GRIP1: variants seen among roughly 807,000 people sequenced by gnomAD.
GRIP1 encodes glutamate receptor interacting protein 1.
Under a neutral mutation model 129.9 loss-of-function variants are expected in GRIP1, and 45 were observed. The ratio of observed to expected loss-of-function variants is 0.35; its 90% CI spans 0.27 to 0.44. The LOEUF is 0.44. Among genes scored for constraint, GRIP1 ranks in the 20% least tolerant of loss-of-function variants. The pLI is 1.00. For missense variants in GRIP1, 1,196 were observed against 1,396.8 expected (o/e 0.86, Z 2.29); for synonymous variants, 530 against 520.8 (o/e 1.02, Z -0.24).
intron 1 of GRIP1, among the ~76,000 whole-genome samples, chr12:66,868,807 A>G (rs562769577): frequency 1.4e-4 from 21 of 152,276 alleles, no homozygotes; most frequent in African/African-American, 5.0e-4. Flanking sequence ...ACATAAATAA[A>G]TCCCCAGGAG....
intron 1 of GRIP1, among the ~76,000 whole-genome samples, chr12:66,628,470 C>T (rs2030360890): frequency 6.6e-6 from 1 of 152,164 alleles, no homozygotes; most frequent in South Asian, 2.1e-4. Flanking sequence ...TTCTCATTTT[C>T]CCTCCTCCTC....
intron 1 of GRIP1, among the ~76,000 whole-genome samples, chr12:67,033,634 G>A (rs1042383395): frequency 2.6e-5 from 4 of 152,208 alleles, no homozygotes; most frequent in Admixed American, 2.0e-4. Flanking sequence ...GAGATTCAGA[G>A]CTCATCAATG....
intron 1 of GRIP1, among the ~76,000 whole-genome samples, chr12:66,957,335 C>G (rs1480733863): frequency 6.6e-6 from 1 of 151,818 alleles, no homozygotes; most frequent in African/African-American, 2.4e-5. Flanking sequence ...AGACTTGTCA[C>G]AATTATAATT....
intron 1 of GRIP1, among the ~76,000 whole-genome samples, chr12:66,999,467 C>T (rs2042519038): frequency 6.6e-6 from 1 of 152,072 alleles, no homozygotes. Context: ...TACTTTGCTG[C>T]CTCTCTATAT....
chr12:66,984,608 ACTTG>A (rs765803735), intron 1 of GRIP1, among the ~76,000 whole-genome samples: 1 of 152,152 alleles, frequency 6.6e-6, no homozygotes, highest in Non-Finnish European at 1.5e-5. Context: ...AAACTAAGTA[ACTTG>A]CCCAGGAACT....
At chr12:66,828,024 T>G (rs1348734119) in intron 1 of GRIP1, among the ~76,000 whole-genome samples, 1 of 152,198 alleles carries the variant, frequency 6.6e-6, no homozygotes. Context: ...TACACATCAC[T>G]GTCAAATCCT....
chr12:66,673,782 C>G (rs958513719), intron 1 of GRIP1, among the ~76,000 whole-genome samples: 1 of 152,162 alleles, frequency 6.6e-6, no homozygotes, highest in African/African-American at 2.4e-5. Context: ...TGGGACCCAG[C>G]TGCAGCATTC....
chr12:66,888,814 T>G (rs368804780), intron 1 of GRIP1, among the ~76,000 whole-genome samples: 1 of 152,340 alleles, frequency 6.6e-6, no homozygotes, highest in East Asian at 1.9e-4. Context: ...ACACAGTTGC[T>G]ATCATCAAAT....
intron 7 of GRIP1, among the ~76,000 whole-genome samples, chr12:66,510,493 A>C (rs1240983198): frequency 6.6e-6 from 1 of 152,146 alleles, no homozygotes; most frequent in Non-Finnish European, 1.5e-5. Context: ...CTTTCAACTC[A>C]TACCTCCACT....
chr12:67,031,639 C>T (rs776311593), intron 1 of GRIP1, among the ~76,000 whole-genome samples: 2 of 152,068 alleles, frequency 1.3e-5, no homozygotes, highest in Non-Finnish European at 2.9e-5. Context: ...TTTACCTGAC[C>T]GCTCTCTCTA....
At chr12:66,938,825 T>C (rs765519774) in intron 1 of GRIP1, among the ~76,000 whole-genome samples, 13 of 151,758 alleles carry the variant, frequency 8.6e-5, no homozygotes, top group Admixed American at 3.3e-4. Flanking sequence ...GGCGTGGTGG[T>C]GCATGCCTGT....
At chr12:66,801,971 CAACCAT>C (rs2038871408) in intron 1 of GRIP1, among the ~76,000 whole-genome samples, 1 of 152,092 alleles carries the variant, frequency 6.6e-6, no homozygotes, top group African/African-American at 2.4e-5. Context: ...TAATTGAATG[CAACCAT>C]ATTACCCATT....
intron 1 of GRIP1, among the ~76,000 whole-genome samples, chr12:66,823,646 T>C (rs1044032607): frequency 1.3e-5 from 2 of 152,136 alleles, no homozygotes; most frequent in Admixed American, 1.3e-4. Flanking sequence ...GAAGCAATAT[T>C]GGAAATCAAG....
At chr12:66,812,022 T>C (rs994305249) in intron 1 of GRIP1, among the ~76,000 whole-genome samples, 2 of 152,254 alleles carry the variant, frequency 1.3e-5, no homozygotes, top group Non-Finnish European at 2.9e-5. Context: ...CAAGCAAACT[T>C]ATTTGGGTTA....
intron 7 of GRIP1, among the ~76,000 whole-genome samples, chr12:66,486,365 G>T (rs777071345): frequency 3.9e-5 from 6 of 152,040 alleles, no homozygotes; most frequent in Non-Finnish European, 7.4e-5. Context: ...TGTAGCCAAA[G>T]AATTTTTAAA....
At chr12:66,942,183 C>T (rs945481945) in intron 1 of GRIP1, among the ~76,000 whole-genome samples, 2 of 152,186 alleles carry the variant, frequency 1.3e-5, no homozygotes, top group African/African-American at 4.8e-5. Flanking sequence ...GGAATTTATG[C>T]AAGGTCTCCA....
intron 1 of GRIP1, among the ~76,000 whole-genome samples, chr12:66,659,048 G>A (rs959980060): frequency 5.3e-5 from 8 of 152,168 alleles, no homozygotes; most frequent in Admixed American, 5.2e-4. Flanking sequence ...GCCCCGTGAT[G>A]ATCCTTACAT....
Position 66,930,929 on chromosome 12 carries a change from C to T in GRIP1, c.58+138121G>A, listed in dbSNP as rs559547455. ...ACATGTGCTGTATCTATCTTGGCTC[C>T]AGGATTCTAGTCTAATTTAGAGTAG... On this transcript the variant is annotated intron_variant, in intron 1 of 1. Coordinates refer to the GRIP1 transcript ENST00000643019. 4.6e-5 allele frequency among the ~76,000 whole-genome samples: 7 copies of T among 152,212 alleles called. No homozygotes were observed. In the South Asian group the frequency reaches 1.5e-3, roughly 32 times the overall value.
Position 66,353,499 on chromosome 12 carries a change from T to A in GRIP1, c.3077A>T (p.Glu1026Val), listed in dbSNP as rs767309465. ...FGFSVADGLL[E>V]KGVYVKNIRP... ...AATATTTTTGACATACACTCCTTTC[T>A]CCAGTAAGCCATCTGCTACACTGAA... Residue 1026 changes from glutamate to valine, a missense_variant, in exon 24 of 25, where the codon GAG becomes GTG. Transcript: ENST00000359742. 1 of 1,613,112 alleles carries A rather than the reference T, an allele frequency of 6.2e-7. No homozygotes were observed. Among genetic ancestry groups the A allele is most frequent in the Non-Finnish European group, 8.5e-7 (1 of 1,179,124 alleles).
Sources: allele counts gnomAD v4.1 joint callset (sites outside exome capture counted in the v4.1 genomes callset), GRCh38; gene constraint gnomAD v4.1.1; transcripts MANE v1.5; gene names NCBI Gene and HGNC (gene_info 2026-07-23, HGNC 2026-07-21).